ZNF469: variants seen among roughly 807,000 people sequenced by gnomAD.
ZNF469 encodes the protein zinc finger protein 469.
In ZNF469, 1 loss-of-function variant was observed where a neutral mutation model predicts 1.0. That is an observed-to-expected ratio of 1.00 (90% CI 0.35 to 4.73). The LOEUF (loss-of-function observed/expected upper bound fraction) is 4.73. Ranked by LOEUF, ZNF469 falls within the 30% of genes most tolerant of loss-of-function variation. The pLI is 0.16. For missense variants in ZNF469, 6,100 were observed against 5,356.3 expected (o/e 1.14, Z -4.33); for synonymous variants, 2,703 against 2,363.4 (o/e 1.14, Z -4.17).
chr16:88,117,202 C>T, the ZNF469 span, among the ~76,000 whole-genome samples: 16 of 136,268 alleles, frequency 1.2e-4, no homozygotes, highest in Admixed American at 6.7e-4. Context: ...GTGTGAGGGC[C>T]GGGGACACGT....
chr16:88,280,566 A>T, the ZNF469 span, among the ~76,000 whole-genome samples: 1 of 150,238 alleles, frequency 6.7e-6, no homozygotes, highest in South Asian at 2.1e-4. Context: ...ATGCTTGATC[A>T]GTACTATGCT....
the ZNF469 span, among the ~76,000 whole-genome samples, chr16:88,372,104 TCACCA>T: frequency 1.8e-5 from 2 of 109,550 alleles, no homozygotes. Flanking sequence ...ACCACCATCA[TCACCA>T]TCACCACCAT....
the ZNF469 span, among the ~76,000 whole-genome samples, chr16:88,135,345 C>CT: frequency 6.6e-6 from 1 of 152,244 alleles, no homozygotes; most frequent in South Asian, 2.1e-4. Context: ...TCCAGGCTCA[C>CT]TGAGAAGTCA....
At chr16:88,404,024 G>T (rs1039916527) in intron 1 of ZNF469, among the ~76,000 whole-genome samples, 4 of 152,234 alleles carry the variant, frequency 2.6e-5, no homozygotes, top group African/African-American at 9.6e-5. Context: ...TGTGCCGCCA[G>T]GGGGCCCAAA....
At chr16:88,106,377 T>G in the ZNF469 span, among the ~76,000 whole-genome samples, 1 of 152,290 alleles carries the variant, frequency 6.6e-6, no homozygotes, top group African/African-American at 2.4e-5. Flanking sequence ...CTCCCACAGA[T>G]GAGATTGGCT....
At chr16:88,354,204 T>G in the ZNF469 span, among the ~76,000 whole-genome samples, 1 of 152,136 alleles carries the variant, frequency 6.6e-6, no homozygotes, top group African/African-American at 2.4e-5. Flanking sequence ...GCAGAAAGTC[T>G]GCCGCAGGAG....
At chr16:88,425,391 C>T (rs547805997) in intron 2 of ZNF469, among the ~76,000 whole-genome samples, 1 of 152,300 alleles carries the variant, frequency 6.6e-6, no homozygotes, top group African/African-American at 2.4e-5. Context: ...TACCCCCAAC[C>T]CTGCAGCCTG....
chr16:88,430,985 G>C lies in ZNF469; in HGVS notation c.3515G>C (p.Arg1172Pro). 1 of 1,541,052 alleles carries C rather than the reference G, an allele frequency of 6.5e-7. No homozygotes were observed. Among genetic ancestry groups the C allele is most frequent in the Non-Finnish European group, 8.7e-7 (1 of 1,146,534 alleles). Residue 1172 changes from arginine to proline, a missense_variant, in exon 3 of 3, where the codon CGT becomes CCT. Physicochemically the swap from Arg to Pro is moderately radical, Grantham distance 103 (BLOSUM62 -2). Coordinates refer to ENST00000565624, the MANE Select transcript of ZNF469 (RefSeq NM_001367624.2). The stretch of plus-strand genomic sequence containing the variant: ...GGCCCCGGCAGGAGCCCTCAGGCCC[G>C]TGGCCCGTCTCGAAGCCTGGAGACG... Reference protein sequence around the residue: ...RPGPGRSPQARGPSRSLETGA... With the variant: ...RPGPGRSPQAPGPSRSLETGA...
chr16:88,167,310 C>T, the ZNF469 span, among the ~76,000 whole-genome samples: 1 of 152,148 alleles, frequency 6.6e-6, no homozygotes, highest in African/African-American at 2.4e-5. Flanking sequence ...GATCCGCCCG[C>T]CTCGGCCTCT....
At chr16:88,122,683 G>A in the ZNF469 span, among the ~76,000 whole-genome samples, 3 of 152,186 alleles carry the variant, frequency 2.0e-5, no homozygotes, top group African/African-American at 7.2e-5. Context: ...TTGGTCAGGA[G>A]CTGGAGGATT....
the ZNF469 span, among the ~76,000 whole-genome samples, chr16:88,360,020 AT>A: frequency 6.6e-6 from 1 of 152,120 alleles, no homozygotes; most frequent in East Asian, 1.9e-4. Context: ...TGATTTTTTA[AT>A]TTTTTTTGTA....
Position 88,428,429 on chromosome 16 carries a change from C to T in ZNF469, c.959C>T (p.Thr320Met), listed in dbSNP as rs765028361. 6.8e-5 allele frequency: 105 copies of T among 1,547,944 alleles called. 1 individual carries two copies. The highest frequency in any genetic ancestry group is 1.1e-4 in the African/African-American group (8 of 73,010). ...GCGTGGCCGGAGGAGGCCGTGGGCA[C>T]GGGCCCTGCCTACCCGCTGCCCACC... ...QGAWPEEAVGTGPAYPLPTQP... is the reference protein window; with the variant it reads ...QGAWPEEAVGMGPAYPLPTQP... The change falls in exon 3 of 3, where the codon ACG becomes ATG. Residue 320 changes from threonine (T) to methionine (M), a missense_variant. Coordinates refer to ENST00000565624, the MANE Select transcript of ZNF469 (RefSeq NM_001367624.2).
the ZNF469 span, among the ~76,000 whole-genome samples, chr16:88,147,122 C>T: frequency 2.0e-5 from 3 of 152,072 alleles, no homozygotes; most frequent in African/African-American, 7.3e-5. Context: ...TCCCTGTCAT[C>T]TCAAGTCCTT....
At chr16:88,360,744 A>T in the ZNF469 span, among the ~76,000 whole-genome samples, 1 of 118,810 alleles carries the variant, frequency 8.4e-6, no homozygotes, top group Non-Finnish European at 1.7e-5. Context: ...GCTCCCTCAA[A>T]GGCAGTCCAC....
At chr16:88,258,116 T>C in the ZNF469 span, among the ~76,000 whole-genome samples, 2 of 152,082 alleles carry the variant, frequency 1.3e-5, no homozygotes, top group East Asian at 1.9e-4. Context: ...GAAGCAGGCA[T>C]TGACAATTCA....
Position 88,428,855 on chromosome 16 carries a change from T to C in ZNF469, c.1385T>C (p.Met462Thr), listed in dbSNP as rs1206780853. The change falls in exon 3 of 3, where the codon ATG (methionine) becomes ACG (threonine). Residue 462 changes from methionine to threonine, a missense_variant. Physicochemically the swap from Met to Thr is moderately conservative, Grantham distance 81. Coordinates refer to ENST00000565624, the MANE Select transcript of ZNF469 (RefSeq NM_001367624.2). ...PGGPLAATRS[M>T]FFNGQPSPGQ... ...GGCCCCCTGGCTGCCACCAGGAGTA[T>C]GTTCTTTAACGGCCAGCCCAGCCCA... The C allele has an allele frequency of 7.1e-6, 11 of 1,548,560 alleles. No homozygotes were observed. Among genetic ancestry groups the C allele is most frequent in the Non-Finnish European group, 9.6e-6 (11 of 1,146,436 alleles).
chr16:88,287,632 G>A, the ZNF469 span, among the ~76,000 whole-genome samples: 5,370 of 152,288 alleles, frequency 0.035, 129 homozygotes, highest in Non-Finnish European at 0.052. Context: ...ACATTGAACA[G>A]TTCTATAAGG....
chr16:88,198,389 G>T, the ZNF469 span, among the ~76,000 whole-genome samples: 3 of 152,198 alleles, frequency 2.0e-5, no homozygotes, highest in East Asian at 5.8e-4. Context: ...TCCTCCGGTG[G>T]GGGGCTGGGC....
chr16:88,411,810 C>T (rs1018064851), intron 1 of ZNF469, among the ~76,000 whole-genome samples: 1 of 152,158 alleles, frequency 6.6e-6, no homozygotes, highest in Non-Finnish European at 1.5e-5. Flanking sequence ...GTGTGAGGCC[C>T]CCACCTGGTT....
Sources: gnomAD v4.1 joint callset for allele counts (sites outside exome capture counted in the v4.1 genomes callset) on GRCh38, gnomAD v4.1.1 for gene constraint, MANE v1.5 for transcripts, NCBI Gene and HGNC (gene_info 2026-07-23, HGNC 2026-07-21) for gene names.